Variants in GPC6 observed in about 807,000 individuals in gnomAD.
GPC6 encodes the protein glypican-6.
Under a neutral mutation model 55.2 loss-of-function variants are expected in GPC6, and 14 were observed. The ratio of observed to expected loss-of-function variants is 0.25; its 90% CI spans 0.17 to 0.40. The LOEUF is 0.40. Ranked by LOEUF, GPC6 falls within the 10% of genes least tolerant of loss-of-function variation. The probability of loss-of-function intolerance (pLI) is 1.00; values close to 1 mark genes in which losing one functional copy is unlikely to be tolerated. For synonymous variants in GPC6, 278 were observed against 259.6 expected, an observed-to-expected ratio of 1.07 and a Z score of -0.68; for missense variants, 641 against 708.5, an observed-to-expected ratio of 0.90 and a Z score of 1.08.
At chr13:94,035,798 G>A (rs1395425154) in intron 4 of GPC6, among the ~76,000 whole-genome samples, 1 of 151,994 alleles carries the variant, frequency 6.6e-6, no homozygotes, top group Non-Finnish European at 1.5e-5. Flanking sequence ...GAATATGTGT[G>A]TGTGTGGATA....
intron 4 of GPC6, among the ~76,000 whole-genome samples, chr13:94,085,264 G>A (rs1018585500): frequency 7.1e-4 from 100 of 141,234 alleles, no homozygotes; most frequent in African/African-American, 2.5e-3. Context: ...GGAGGTTGCA[G>A]TGAGCCGAGA....
intron 6 of GPC6, among the ~76,000 whole-genome samples, chr13:94,353,829 G>A (rs1878668016): frequency 6.6e-6 from 1 of 152,194 alleles, no homozygotes; most frequent in South Asian, 2.1e-4. Context: ...CAATAATTAA[G>A]AAGTTGTGGA....
intron 4 of GPC6, among the ~76,000 whole-genome samples, chr13:94,103,501 C>G (rs1341487373): frequency 5.9e-5 from 9 of 152,184 alleles, no homozygotes; most frequent in Admixed American, 5.9e-4. Flanking sequence ...ACACTCCCAC[C>G]AACAGTGTAA....
chr13:94,308,008 A>AT (rs952924749), intron 6 of GPC6, among the ~76,000 whole-genome samples: 14 of 152,186 alleles, frequency 9.2e-5, no homozygotes, highest in African/African-American at 3.4e-4. Context: ...TTAAAAAAAA[A>AT]CTGTTAAGAG....
chr13:93,370,395 A>G (rs1474793164), intron 1 of GPC6, among the ~76,000 whole-genome samples: 1 of 152,110 alleles, frequency 6.6e-6, no homozygotes, highest in East Asian at 1.9e-4. Flanking sequence ...CAGTCTCATA[A>G]CTGGAATGTA....
At chr13:94,149,478 G>A (rs148519754) in intron 4 of GPC6, among the ~76,000 whole-genome samples, 2 of 152,254 alleles carry the variant, frequency 1.3e-5, no homozygotes, top group African/African-American at 2.4e-5. Context: ...ACTTAAGTGC[G>A]ATAGTATGAA....
chr13:93,960,046 T>C (rs1340439701), intron 3 of GPC6, among the ~76,000 whole-genome samples: 4 of 152,208 alleles, frequency 2.6e-5, no homozygotes, highest in African/African-American at 9.7e-5. Context: ...CTCTGTAGAC[T>C]CCACATCTTC....
chr13:93,403,510 C>T (rs1055106329), intron 1 of GPC6, among the ~76,000 whole-genome samples: 1 of 152,190 alleles, frequency 6.6e-6, no homozygotes, highest in Non-Finnish European at 1.5e-5. Flanking sequence ...TTAGTGGACT[C>T]ATATAGAGAT....
chr13:93,405,966 G>A (rs761220432), intron 1 of GPC6, among the ~76,000 whole-genome samples: 4 of 152,210 alleles, frequency 2.6e-5, no homozygotes, highest in Admixed American at 1.3e-4. Context: ...GGTGTTGGGT[G>A]TTCAGATGAG....
At chr13:93,989,165 A>G (rs1881173789) in intron 3 of GPC6, among the ~76,000 whole-genome samples, 1 of 152,164 alleles carries the variant, frequency 6.6e-6, no homozygotes, top group Non-Finnish European at 1.5e-5. Context: ...AAGGTGAGAA[A>G]TTCATGTGAT....
chr13:93,717,839 A>G (rs370392300), intron 2 of GPC6, among the ~76,000 whole-genome samples: 2 of 151,382 alleles, frequency 1.3e-5, no homozygotes, highest in African/African-American at 2.4e-5. Context: ...CAACTCCCAC[A>G]TATTAGTGAG....
intron 1 of GPC6, among the ~76,000 whole-genome samples, chr13:93,279,326 T>C (rs1247994118): frequency 6.6e-6 from 1 of 152,202 alleles, no homozygotes; most frequent in African/African-American, 2.4e-5. Context: ...ACTATTGTTC[T>C]GGAGTTAACA....
chr13:94,372,607 C>G (rs1332957770), intron 6 of GPC6, among the ~76,000 whole-genome samples: 3 of 152,160 alleles, frequency 2.0e-5, no homozygotes, highest in South Asian at 2.1e-4. Context: ...AGTCTGAGAT[C>G]AAACTGCAAG....
At chr13:93,891,978 AGT>A (rs1283951658) in intron 3 of GPC6, among the ~76,000 whole-genome samples, 4 of 151,978 alleles carry the variant, frequency 2.6e-5, no homozygotes, top group Non-Finnish European at 5.9e-5. Flanking sequence ...CAATTAACAA[AGT>A]GTATTGTATA....
intron 4 of GPC6, among the ~76,000 whole-genome samples, chr13:94,147,828 C>G (rs1292023211): frequency 1.3e-5 from 2 of 152,058 alleles, no homozygotes; most frequent in Admixed American, 1.3e-4. Context: ...TTGTAGATCA[C>G]TGGAATTGTA....
At chr13:94,160,123 G>A (rs2138911716) in intron 4 of GPC6, among the ~76,000 whole-genome samples, 2 of 152,278 alleles carry the variant, frequency 1.3e-5, no homozygotes, top group South Asian at 4.1e-4. Context: ...GAGAGAGCAA[G>A]ACAGAAATCA....
intron 4 of GPC6, among the ~76,000 whole-genome samples, chr13:94,158,663 T>A (rs1244136266): frequency 6.6e-6 from 1 of 151,848 alleles, no homozygotes; most frequent in African/African-American, 2.4e-5. Flanking sequence ...AGAAGAAAAA[T>A]AAGACAGAGG....
chr13:93,446,270 T>C (rs1287041835), intron 1 of GPC6, among the ~76,000 whole-genome samples: 1 of 152,168 alleles, frequency 6.6e-6, no homozygotes, highest in African/African-American at 2.4e-5. Context: ...AGAGATGTGA[T>C]TAGAACCCCC....
chr13:94,219,739 C>T (rs931359464), intron 4 of GPC6, among the ~76,000 whole-genome samples: 1 of 152,060 alleles, frequency 6.6e-6, no homozygotes, highest in Non-Finnish European at 1.5e-5. Flanking sequence ...TTTGGGGTCT[C>T]GTTTCGGAAG....
Sources: allele counts gnomAD v4.1 joint callset (sites outside exome capture counted in the v4.1 genomes callset), GRCh38; gene constraint gnomAD v4.1.1; transcripts MANE v1.5; gene names NCBI Gene and HGNC (gene_info 2026-07-23, HGNC 2026-07-21).